The following KIRREL3 variants were observed in gnomAD, a reference collection of about 807,000 sequenced individuals.
KIRREL3 encodes kirre like nephrin family adhesion molecule 3.
KIRREL3 carries 36 observed loss-of-function variants against 89.7 expected under a neutral mutation model. That is an observed-to-expected ratio of 0.40 (90% CI 0.31 to 0.53). The LOEUF (loss-of-function observed/expected upper bound fraction) is 0.53, where lower values mean the gene tolerates loss of function less well. KIRREL3 is among the 20% of genes least tolerant of loss of function. The pLI is 0.49. For missense variants in KIRREL3, 864 were observed against 1,056.6 expected, an observed-to-expected ratio of 0.82 and a Z score of 2.53; for synonymous variants, 445 against 441.4, an observed-to-expected ratio of 1.01 and a Z score of -0.10.
rs1041457424 is a variant in KIRREL3, at chr11:126,498,699, A to G, written c.433+22616T>C. On this transcript the variant is annotated intron_variant, in intron 4 of 16. Transcript: ENST00000525144. The surrounding 1 kb of genome is among the most constrained non-coding windows in gnomAD (Gnocchi z 4.3). ...CAGTGATGAGAGGAATGGTGTGTCC[A>G]TGGGGACAGAGCTGGCCTGGCGTCC... Among the ~76,000 whole-genome samples, 1 of 152,134 alleles carries G rather than the reference A, an allele frequency of 6.6e-6. No individual in the cohort carries two copies.
chr11:126,464,395 G>T (rs1956650597), intron 5 of KIRREL3, among the ~76,000 whole-genome samples: 1 of 151,654 alleles, frequency 6.6e-6, no homozygotes, highest in Non-Finnish European at 1.5e-5. Context: ...GCCAGGCATG[G>T]TGGCTTGTGC....
intron 1 of KIRREL3, among the ~76,000 whole-genome samples, chr11:126,949,832 A>G (rs1349225335): frequency 6.6e-6 from 1 of 152,358 alleles, no homozygotes; most frequent in Admixed American, 6.5e-5. Flanking sequence ...TACCAGTTGC[A>G]TCAACAGATG....
rs896204136 is a variant in KIRREL3, at chr11:126,703,999, G to A, written c.56-141087C>T. The stretch of plus-strand genomic sequence containing the variant: ...TGAACTCACTCTCTGGAATCACTGC[G>A]CCCATCTTTTCAGAGATGTTGCTAC... On this transcript the variant is annotated intron_variant, in intron 1 of 16. Transcript: ENST00000525144. This position sits in a 1 kb window ranked among gnomAD's most constrained non-coding sequence, Gnocchi z 4.6. Among the ~76,000 whole-genome samples, 10 of 152,224 alleles carry A rather than the reference G, an allele frequency of 6.6e-5. No individual in the cohort carries two copies. Among genetic ancestry groups the A allele is most frequent in the African/African-American group, 1.7e-4 (7 of 41,528 alleles).
rs1375711129 is a variant in KIRREL3, at chr11:126,516,139, C to T, written c.433+5176G>A. On this transcript the variant is annotated intron_variant, in intron 4 of 16. Transcript: ENST00000525144. The surrounding 1 kb of genome is among the most constrained non-coding windows in gnomAD (Gnocchi z 4.9). The stretch of plus-strand genomic sequence containing the variant: ...TCACAGATTGGACCTTATCTGTTTT[C>T]CTCTCTCAGTATTTGGGGCTTGACA... 6.6e-6 allele frequency among the ~76,000 whole-genome samples: 1 copy of T among 152,154 alleles called. No individual in the cohort carries two copies. Among genetic ancestry groups the T allele is most frequent in the Non-Finnish European group, 1.5e-5 (1 of 68,032 alleles).
At chr11:126,691,886 T>C (rs1400934663) in intron 1 of KIRREL3, among the ~76,000 whole-genome samples, 1 of 152,208 alleles carries the variant, frequency 6.6e-6, no homozygotes, top group Admixed American at 6.5e-5. Flanking sequence ...CCAAAGATGA[T>C]TTACAAATGG....
chr11:126,745,303 A>G (rs1377404900), intron 1 of KIRREL3, among the ~76,000 whole-genome samples: 1 of 152,226 alleles, frequency 6.6e-6, no homozygotes, highest in Non-Finnish European at 1.5e-5. Flanking sequence ...TAGCAATTCA[A>G]AACGGTGGAG....
chr11:126,567,845 C>T (rs1221415724), intron 1 of KIRREL3, among the ~76,000 whole-genome samples: 1 of 152,112 alleles, frequency 6.6e-6, no homozygotes, highest in Admixed American at 6.5e-5. Flanking sequence ...AATGTGCCCT[C>T]AAGTAACTGC....
At chr11:126,597,158 C>T (rs981699874) in intron 1 of KIRREL3, among the ~76,000 whole-genome samples, 1 of 152,228 alleles carries the variant, frequency 6.6e-6, no homozygotes, top group East Asian at 1.9e-4. Flanking sequence ...CCCAGAACTA[C>T]CCACCCAATC....
chr11:126,449,996 C>T (rs539753633), intron 7 of KIRREL3, among the ~76,000 whole-genome samples: 6 of 152,310 alleles, frequency 3.9e-5, no homozygotes, highest in Non-Finnish European at 5.9e-5. Flanking sequence ...TCTCTTTTGT[C>T]GGCCAATCGG....
chr11:126,700,055 G>T (rs139897766), intron 1 of KIRREL3, among the ~76,000 whole-genome samples: 1 of 152,076 alleles, frequency 6.6e-6, no homozygotes, highest in African/African-American at 2.4e-5. Flanking sequence ...TTCATTGAGC[G>T]TGGTGGCTCA....
chr11:126,658,799 T>A (rs192819056), intron 1 of KIRREL3, among the ~76,000 whole-genome samples: 1 of 152,360 alleles, frequency 6.6e-6, no homozygotes, highest in East Asian at 1.9e-4. Context: ...TTGGTTAATC[T>A]ACTGAAAGTA....
At chr11:126,840,733 A>G (rs1943938609) in intron 1 of KIRREL3, among the ~76,000 whole-genome samples, 1 of 152,208 alleles carries the variant, frequency 6.6e-6, no homozygotes, top group Non-Finnish European at 1.5e-5. Flanking sequence ...CAGGCTGTCT[A>G]TGCTATTTGC....
intron 1 of KIRREL3, among the ~76,000 whole-genome samples, chr11:126,846,641 G>A (rs118119863): frequency 4.1e-4 from 57 of 139,986 alleles, no homozygotes; most frequent in Middle Eastern, 3.5e-3. Context: ...ATTGTGACAC[G>A]TATTTGAGAC....
chr11:126,916,191 A>G (rs1947030060), intron 1 of KIRREL3, among the ~76,000 whole-genome samples: 2 of 152,228 alleles, frequency 1.3e-5, no homozygotes, highest in Non-Finnish European at 2.9e-5. Context: ...ATATGGAATA[A>G]CTTAAGATCT....
intron 1 of KIRREL3, among the ~76,000 whole-genome samples, chr11:126,869,889 CA>C (rs1326698235): frequency 3.3e-5 from 5 of 152,198 alleles, no homozygotes; most frequent in Admixed American, 3.3e-4. Flanking sequence ...CTCTGGCTTC[CA>C]AAGTGATGAA....
At chr11:126,583,518 T>G (rs1941665471) in intron 1 of KIRREL3, among the ~76,000 whole-genome samples, 1 of 152,050 alleles carries the variant, frequency 6.6e-6, no homozygotes. Context: ...AGATAGAAAA[T>G]GAATATACGA....
At chr11:126,911,245 C>T (rs1258301274) in intron 1 of KIRREL3, among the ~76,000 whole-genome samples, 1 of 152,188 alleles carries the variant, frequency 6.6e-6, no homozygotes, top group East Asian at 1.9e-4. Flanking sequence ...AAAAAGCAGC[C>T]ACCATGCTGA....
rs1941213441 is a variant in KIRREL3 at position 126,575,574 on chromosome 11, C to A, written c.56-12662G>T. Among the ~76,000 whole-genome samples, 1 of 152,230 alleles carries A rather than the reference C, an allele frequency of 6.6e-6. No individual in the cohort carries two copies. The highest frequency in any genetic ancestry group is 1.9e-4 in the East Asian group (1 of 5,184). ...AAATATAATATATTATTAGAAAGTA[C>A]AGGGGTATGCTAAAAGTCAGGAAAA... On this transcript the variant is annotated intron_variant, in intron 1 of 16. Coordinates refer to ENST00000525144, the MANE Select transcript of KIRREL3 (RefSeq NM_032531.4). The surrounding 1 kb of genome is among the most constrained non-coding windows in gnomAD (Gnocchi z 7.0).
At chr11:126,831,174 C>T (rs1028244753) in intron 1 of KIRREL3, among the ~76,000 whole-genome samples, 1 of 152,168 alleles carries the variant, frequency 6.6e-6, no homozygotes, top group African/African-American at 2.4e-5. Flanking sequence ...GTATCAAATA[C>T]CCGGCATGAT....
Sources: gnomAD v4.1 joint callset for allele counts (sites outside exome capture counted in the v4.1 genomes callset) on GRCh38, gnomAD v4.1.1 for gene constraint, Gnocchi (gnomAD v3.1) non-coding constraint, MANE v1.5 for transcripts, NCBI Gene and HGNC (gene_info 2026-07-23, HGNC 2026-07-21) for gene names.